GNAZ: variants seen among roughly 807,000 people sequenced by gnomAD.
The protein encoded by GNAZ is guanine nucleotide-binding protein G(z) subunit alpha.
In GNAZ, 3 loss-of-function variants were observed where a neutral mutation model predicts 25.4. That is an observed-to-expected ratio of 0.12 (90% CI 0.05 to 0.30). The LOEUF (loss-of-function observed/expected upper bound fraction) is 0.30. GNAZ is among the 10% of genes least tolerant of loss of function. GNAZ has a pLI of 1.00. For missense variants in GNAZ, 241 were observed against 501.8 expected, an observed-to-expected ratio of 0.48 and a Z score of 4.97; for synonymous variants, 211 against 205.7, an observed-to-expected ratio of 1.03 and a Z score of -0.22.
chr22:23,105,789 G>A (rs1312925022), intron 2 of GNAZ, among the ~76,000 whole-genome samples: 1 of 152,198 alleles, frequency 6.6e-6, no homozygotes, highest in Non-Finnish European at 1.5e-5. Context: ...AGGGGTGCAG[G>A]TTACTTAAAA....
chr22:23,120,762 C>G (rs1381391614), intron 2 of GNAZ, among the ~76,000 whole-genome samples: 1 of 152,046 alleles, frequency 6.6e-6, no homozygotes, highest in Non-Finnish European at 1.5e-5. Flanking sequence ...CCCTGCCATC[C>G]CTGCCTGGCT....
rs2068357214 is a variant in GNAZ, at chr22:23,071,046, C to T, written c.-450+476C>T. Among the ~76,000 whole-genome samples, 1 of 152,146 alleles carries T rather than the reference C, an allele frequency of 6.6e-6. No homozygotes were observed. Among genetic ancestry groups the T allele is most frequent in the Admixed American group, 6.5e-5 (1 of 15,284 alleles). Reference sequence around the variant, plus strand: ...GAAACCGAGGAGAGGGCCCCAGAGGCCTGGGCCCGAGGACCTGGGCCCGCA... The same window carrying T: ...GAAACCGAGGAGAGGGCCCCAGAGGTCTGGGCCCGAGGACCTGGGCCCGCA... On this transcript the variant is annotated intron_variant, in intron 1 of 2. Coordinates refer to ENST00000615612, the MANE Select transcript of GNAZ (RefSeq NM_002073.4). The surrounding 1 kb of genome is among the most constrained non-coding windows in gnomAD (Gnocchi z 4.1).
chr22:23,079,914 T>C (rs904672905), intron 1 of GNAZ, among the ~76,000 whole-genome samples: 10 of 152,100 alleles, frequency 6.6e-5, no homozygotes, highest in African/African-American at 2.4e-4. Flanking sequence ...GATGGGATTG[T>C]GGGATGCCAC....
intron 2 of GNAZ, among the ~76,000 whole-genome samples, chr22:23,107,616 G>T (rs1010304724): frequency 6.6e-6 from 1 of 152,100 alleles, no homozygotes; most frequent in Non-Finnish European, 1.5e-5. Flanking sequence ...CAGAAGCTGG[G>T]GCGGGAGCAG....
chr22:23,070,663 C>T (rs907849845), intron 1 of GNAZ, 93 bp downstream of exon 1: 1 of 152,046 alleles, frequency 6.6e-6, no homozygotes, highest in African/African-American at 2.4e-5. Flanking sequence ...ACTTGGGACT[C>T]TTCCCAGGCC....
At chr22:23,101,192 G>A (rs1409870739) in intron 2 of GNAZ, among the ~76,000 whole-genome samples, 1 of 152,198 alleles carries the variant, frequency 6.6e-6, no homozygotes, top group Non-Finnish European at 1.5e-5. Flanking sequence ...TTCCTAACCA[G>A]CCGGCTTTGC....
At chr22:23,108,855 T>C (rs1178651957) in intron 2 of GNAZ, among the ~76,000 whole-genome samples, 1 of 152,230 alleles carries the variant, frequency 6.6e-6, no homozygotes, top group Non-Finnish European at 1.5e-5. Context: ...ATTTGGGGAC[T>C]CAGTACTCTG....
Position 23,123,179 on chromosome 22 carries a change from G to A in GNAZ, c.816G>A (p.Lys272=). The change falls in exon 3 of 3, where the codon AAG becomes AAA. Residue 272 remains lysine, a synonymous_variant. Coordinates refer to ENST00000615612, the MANE Select transcript of GNAZ (RefSeq NM_002073.4). ...CACTCATCCTCTTCCTGAACAAGAA[G>A]GACCTGCTGGCAGAGAAGATCCGCC... is the stretch of plus-strand genomic sequence containing the variant. ...NTSLILFLNK[K]DLLAEKIRRI... 6.2e-7 allele frequency: 1 copy of A among 1,614,002 alleles called. No individual in the cohort carries two copies. Among genetic ancestry groups the A allele is most frequent in the Non-Finnish European group, 8.5e-7 (1 of 1,179,866 alleles).
chr22:23,073,777 G>A (rs553140577), intron 1 of GNAZ, among the ~76,000 whole-genome samples: 1 of 152,348 alleles, frequency 6.6e-6, no homozygotes, highest in African/African-American at 2.4e-5. Context: ...AGCGCCTGCT[G>A]CATGCCAGGC....
intron 1 of GNAZ, among the ~76,000 whole-genome samples, chr22:23,093,601 ACT>A (rs1398211140): frequency 6.6e-6 from 1 of 152,084 alleles, no homozygotes; most frequent in Non-Finnish European, 1.5e-5. Context: ...ACTGGCTGTC[ACT>A]CTCTGAGGAC....
Position 23,124,154 on chromosome 22 carries a change from G to A in GNAZ, c.*723G>A, listed in dbSNP as rs2070107865. ...CCAGCTTTTCTTCTACTAGTCTGAT[G>A]TTTTATAAATCAAAACCTGGTTTTC... On this transcript the variant is annotated 3_prime_UTR_variant, in exon 3 of 3. Coordinates refer to ENST00000615612, the MANE Select transcript of GNAZ (RefSeq NM_002073.4). The A allele has an allele frequency of 4.4e-6, 1 of 228,654 alleles. No homozygotes were observed. Among genetic ancestry groups the A allele is most frequent in the African/African-American group, 2.4e-5 (1 of 41,404 alleles). 14.2% of individuals were successfully genotyped at this position (228,654 alleles called of 1,614,324 possible).
chr22:23,087,338 T>C (rs1024456625), intron 1 of GNAZ, among the ~76,000 whole-genome samples: 6 of 152,108 alleles, frequency 3.9e-5, no homozygotes, highest in Non-Finnish European at 8.8e-5. Context: ...TGGTGGCGCG[T>C]GCCTGCAGTC....
At chr22:23,116,000 C>T (rs969736882) in intron 2 of GNAZ, among the ~76,000 whole-genome samples, 2 of 152,208 alleles carry the variant, frequency 1.3e-5, no homozygotes, top group African/African-American at 2.4e-5. Context: ...GAAGGTGCCG[C>T]GCATGTGCCA....
At chr22:23,087,614 C>G (rs1473986312) in intron 1 of GNAZ, among the ~76,000 whole-genome samples, 1 of 152,158 alleles carries the variant, frequency 6.6e-6, no homozygotes, top group Admixed American at 6.5e-5. Flanking sequence ...AAATCAGTCT[C>G]CTGGAGCATT....
At chr22:23,083,521 C>T (rs1320853191) in intron 1 of GNAZ, among the ~76,000 whole-genome samples, 2 of 152,116 alleles carry the variant, frequency 1.3e-5, no homozygotes, top group East Asian at 1.9e-4. Flanking sequence ...ATCTGTTCTG[C>T]GAATCTTTCA....
At chr22:23,109,816 A>G (rs1219184101) in intron 2 of GNAZ, among the ~76,000 whole-genome samples, 3 of 152,182 alleles carry the variant, frequency 2.0e-5, no homozygotes, top group Non-Finnish European at 4.4e-5. Flanking sequence ...GAAGGCTCAG[A>G]GCATAGGCAG....
chr22:23,084,866 G>A (rs1416744043), intron 1 of GNAZ, among the ~76,000 whole-genome samples: 2 of 152,190 alleles, frequency 1.3e-5, no homozygotes, highest in African/African-American at 4.8e-5. Flanking sequence ...GCCAGAGGAC[G>A]CACTGTCTGC....
intron 2 of GNAZ, among the ~76,000 whole-genome samples, chr22:23,108,146 C>T (rs1403245403): frequency 6.6e-6 from 1 of 152,240 alleles, no homozygotes; most frequent in African/African-American, 2.4e-5. Flanking sequence ...GGGGAGCAGC[C>T]AGGCAATCCC....
At chr22:23,090,864 A>T (rs1446161719) in intron 1 of GNAZ, among the ~76,000 whole-genome samples, 1 of 152,124 alleles carries the variant, frequency 6.6e-6, no homozygotes, top group Non-Finnish European at 1.5e-5. Context: ...CCTGAGCAAA[A>T]ATAGGGAATA....
Sources: gnomAD v4.1 joint callset for allele counts (sites outside exome capture counted in the v4.1 genomes callset) on GRCh38, gnomAD v4.1.1 for gene constraint, Gnocchi (gnomAD v3.1) non-coding constraint, MANE v1.5 for transcripts, NCBI Gene and HGNC (gene_info 2026-07-23, HGNC 2026-07-21) for gene names.